UVSSA: variants seen among roughly 807,000 people sequenced by gnomAD.
UVSSA encodes UV-stimulated scaffold protein A.
A neutral mutation model predicts 73.9 loss-of-function variants in UVSSA; 72 were observed. That is an observed-to-expected ratio of 0.97 (90% CI 0.81 to 1.19). The LOEUF is 1.19. Among genes scored for constraint, UVSSA ranks in the 50% most tolerant of loss-of-function variants. The pLI is 0.00. For synonymous variants in UVSSA, 454 were observed against 391.3 expected (o/e 1.16, Z -1.89); for missense variants, 1,150 against 965.0 (o/e 1.19, Z -2.54).
upstream of UVSSA, among the ~76,000 whole-genome samples, chr4:1,343,195 C>A (rs966110296): frequency 6.6e-6 from 1 of 152,084 alleles, no homozygotes; most frequent in Non-Finnish European, 1.5e-5. Flanking sequence ...GGTTGGCTCC[C>A]GGTGAGGCCT....
At chr4:1,380,553 A>T in intron 11 of UVSSA, 1 of 1,174,902 alleles carries the variant, frequency 8.5e-7, no homozygotes, top group Non-Finnish European at 1.2e-6. Flanking sequence ...AAGTGAGGAG[A>T]GGCCAGGGGG....
intron 7 of UVSSA, chr4:1,365,937 AGACGCACCTGCTCCACCTGGTG>A (rs923614500): frequency 6.1e-6 from 1 of 164,046 alleles, no homozygotes; most frequent in African/African-American, 2.4e-5. Flanking sequence ...GGGGCACCAC[AGACGCACCTGCTCCACCTGGTG>A]GGAAGATAAC....
intron 8 of UVSSA, among the ~76,000 whole-genome samples, chr4:1,371,301 G>A (rs1350701408): frequency 6.8e-6 from 1 of 146,128 alleles, no homozygotes. Context: ...TAAAATCGAT[G>A]ACGTGTACAT....
chr4:1,368,048 C>G (rs537796857), intron 8 of UVSSA, among the ~76,000 whole-genome samples: 19 of 152,376 alleles, frequency 1.2e-4, no homozygotes, highest in African/African-American at 4.3e-4. Context: ...GCCCCCGGAG[C>G]ATGGTGGAAG....
In UVSSA at chr4:1,348,180, A is replaced by C; in HGVS notation, c.89A>C (p.Lys30Thr). The C allele has an allele frequency of 6.2e-7, 1 of 1,613,564 alleles. No homozygotes were observed. The highest frequency in any genetic ancestry group is 8.5e-7 in the Non-Finnish European group (1 of 1,179,750). The change falls in exon 2 of 14, where the codon AAA becomes ACA. Residue 30 changes from lysine to threonine, a missense_variant. Transcript: ENST00000389851. ...LNPEKMKELKKICKSSEEQLS... is the reference protein window; with the variant it reads ...LNPEKMKELKTICKSSEEQLS... ...CCTGAGAAAATGAAGGAACTGAAGAAAATTTGCAAGTATGTCTTAGGGTTC... is the reference window on the plus strand; with the variant it reads ...CCTGAGAAAATGAAGGAACTGAAGACAATTTGCAAGTATGTCTTAGGGTTC...
In UVSSA at chr4:1,372,746, TCC is replaced by T. The variant is rs1560468796; in HGVS notation, c.1289-2616_1289-2615del. 7.8e-5 allele frequency among the ~76,000 whole-genome samples: 8 copies of T among 102,004 alleles called. 3 individuals carry two copies. The highest frequency in any genetic ancestry group is 1.8e-4 in the African/African-American group (6 of 33,462). The allele number at this position is 102,004 out of a possible 152,430, so 66.9% of individuals were successfully genotyped here. On this transcript the variant is annotated intron_variant, in intron 8 of 13. Transcript: ENST00000389851. ...TGCTACTCAGCACTCACCTCCCGCG[TCC>T]CTGCACTCACCTCCCGCGTCTCAGG...
chr4:1,383,776 C>T lies in UVSSA; in HGVS notation c.1872C>T (p.Asp624=). The T allele has an allele frequency of 6.2e-7, 1 of 1,613,370 alleles. No individual in the cohort carries two copies. Among genetic ancestry groups the T allele is most frequent in the South Asian group, 1.1e-5 (1 of 91,082 alleles). The change falls in exon 13 of 14, where the codon GAC becomes GAT. Residue 624 remains aspartate (D), a synonymous_variant. Transcript: ENST00000389851. The stretch of plus-strand genomic sequence containing the variant: ...GAGTTTTGTTTGCAGAATGGCAGGA[C>T]CCTGAGTTGATGAGAGACGTGGAAG... ...LQKQERPEWQ[D]PELMRDVEAA...
At chr4:1,373,694 A>G (rs1418880457) in intron 8 of UVSSA, among the ~76,000 whole-genome samples, 3 of 152,042 alleles carry the variant, frequency 2.0e-5, no homozygotes, top group East Asian at 1.9e-4. Flanking sequence ...CTGCACTCCA[A>G]TTATGTCTCT....
rs1399793972 is a variant in UVSSA at position 1,387,004 on chromosome 4, C to G, written c.*1043C>G. 6.6e-6 allele frequency: 1 copy of G among 151,752 alleles called. No individual in the cohort carries two copies. Among genetic ancestry groups the G allele is most frequent in the Non-Finnish European group, 1.5e-5 (1 of 68,014 alleles). 9.4% of individuals were successfully genotyped at this position (151,752 alleles called of 1,614,324 possible). A position where few individuals can be genotyped will look rare whatever the true frequency, so the allele number is the denominator to read the frequency against. The stretch of plus-strand genomic sequence containing the variant: ...AAAGTGTTGGGATTACAGGCATGAG[C>G]CACCACTCCTGGCCAGGAGTTTATA... On this transcript the variant is annotated 3_prime_UTR_variant, in exon 14 of 14. Transcript: ENST00000389851.
Position 1,349,825 on chromosome 4 carries a change from G to C in UVSSA, c.400G>C (p.Gly134Arg), listed in dbSNP as rs1714409358. 1 of 1,575,654 alleles carries C rather than the reference G, an allele frequency of 6.3e-7. No homozygotes were observed. The highest frequency in any genetic ancestry group is 8.6e-7 in the Non-Finnish European group (1 of 1,160,996). Residue 134 changes from glycine to arginine, a missense_variant, in exon 3 of 14, where the codon GGC (glycine) becomes CGC (arginine). Transcript: ENST00000389851. ...FGEAYKKLAL[G>R]YHFLRHNKKV... ...GGAGGCCTACAAGAAGCTTGCCTTG[G>C]GCTACCACTTCTTAAGACACAACAA... is the stretch of plus-strand genomic sequence containing the variant.
intron 4 of UVSSA, 90 bp downstream of exon 4, chr4:1,351,925 G>T (rs1311637453): frequency 3.2e-6 from 5 of 1,548,890 alleles, no homozygotes; most frequent in Non-Finnish European, 2.6e-6. Flanking sequence ...GGCCCCAGCC[G>T]CAAGGAACCC....
chr4:1,350,992 G>A (rs375738965), intron 3 of UVSSA, among the ~76,000 whole-genome samples: 1 of 151,948 alleles, frequency 6.6e-6, no homozygotes, highest in Non-Finnish European at 1.5e-5. Flanking sequence ...TGCAACCTCC[G>A]CCTCCCTGGT....
intron 3 of UVSSA, among the ~76,000 whole-genome samples, chr4:1,350,912 G>A (rs965369881): frequency 6.6e-6 from 1 of 152,146 alleles, no homozygotes; most frequent in South Asian, 2.1e-4. Flanking sequence ...TGTTGTTGAT[G>A]ATGTTGTTTT....
At position 1,347,308 on chromosome 4, in the gene UVSSA, G is replaced by T. The variant is rs905428286; in HGVS notation, c.-455G>T. ...CGGGGCTCTGCGGGCGCCGGGCAGA[G>T]ACCTGCGGCCAGGGCGTGTCCCGTG... On this transcript the variant is annotated 5_prime_UTR_variant, in exon 1 of 14. Transcript: ENST00000389851. 6.6e-6 allele frequency: 1 copy of T among 151,992 alleles called. No individual in the cohort carries two copies. The highest frequency in any genetic ancestry group is 2.4e-5 in the African/African-American group (1 of 41,422). The allele number at this position is 151,992 out of a possible 1,614,324, so 9.4% of individuals were successfully genotyped here.
chr4:1,382,615 A>T (rs1719637481), intron 12 of UVSSA, among the ~76,000 whole-genome samples: 1 of 152,148 alleles, frequency 6.6e-6, no homozygotes, highest in South Asian at 2.1e-4. Flanking sequence ...TGCTCCATTC[A>T]CCGGGTTCCT....
chr4:1,362,475 G>A (rs1426558601), intron 7 of UVSSA, among the ~76,000 whole-genome samples: 1 of 152,196 alleles, frequency 6.6e-6, no homozygotes, highest in Non-Finnish European at 1.5e-5. Context: ...CAGGAAACTC[G>A]GCTGCCAGGT....
downstream of UVSSA, chr4:1,388,638 C>T (rs1003316526): frequency 6.6e-6 from 1 of 152,080 alleles, no homozygotes; most frequent in Non-Finnish European, 1.5e-5. Flanking sequence ...GTTACCTTCT[C>T]CTCCTAGTTT....
intron 12 of UVSSA, among the ~76,000 whole-genome samples, chr4:1,382,751 G>A (rs1221453038): frequency 6.6e-6 from 1 of 152,172 alleles, no homozygotes; most frequent in African/African-American, 2.4e-5. Context: ...ATCCGCTTGG[G>A]AGGCCTGGCC....
Position 1,349,633 on chromosome 4 carries a change from G to T in UVSSA, c.208G>T (p.Val70Phe), listed in dbSNP as rs151085866. ...CTTCCAGATTGTGGAGGAACTCTTC[G>T]TCAGGTCTCACCAGTTCCGGATGCT... is the stretch of plus-strand genomic sequence containing the variant. Reference protein sequence around the residue: ...SAFQIVEELFVRSHQFRMLVV... With the variant: ...SAFQIVEELFFRSHQFRMLVV... The change falls in exon 3 of 14, where the codon GTC (valine) becomes TTC (phenylalanine). Residue 70 changes from valine (V) to phenylalanine (F), a missense_variant. Physicochemically the swap from Val to Phe is conservative, Grantham distance 50. Coordinates refer to ENST00000389851, the MANE Select transcript of UVSSA (RefSeq NM_020894.4). The T allele has an allele frequency of 5.1e-5, 82 of 1,614,054 alleles. No individual in the cohort carries two copies. In the African/African-American group the frequency reaches 1.0e-3, roughly 20 times the overall value.
Sources: gnomAD v4.1 joint callset for allele counts (sites outside exome capture counted in the v4.1 genomes callset) on GRCh38, gnomAD v4.1.1 for gene constraint, MANE v1.5 for transcripts, NCBI Gene and HGNC (gene_info 2026-07-23, HGNC 2026-07-21) for gene names.